The following PSMG2 variants were observed in gnomAD, a reference collection of about 807,000 sequenced individuals.
PSMG2 encodes the protein CD40 ligand-activated specific transcript 3.
PSMG2 carries 21 observed loss-of-function variants against 31.5 expected under a neutral mutation model. The observed-to-expected ratio is 0.67, with a 90% CI of 0.47 to 0.96. The LOEUF (loss-of-function observed/expected upper bound fraction) is 0.96. Ranked by LOEUF, PSMG2 falls within the 40% of genes least tolerant of loss-of-function variation. PSMG2 has a pLI of 0.00. For synonymous variants in PSMG2, 120 were observed against 110.4 expected (o/e 1.09, Z -0.54); for missense variants, 318 against 321.2 (o/e 0.99, Z 0.08).
At chr18:12,721,841 C>G (rs1212983712) in intron 5 of PSMG2, among the ~76,000 whole-genome samples, 3 of 149,014 alleles carry the variant, frequency 2.0e-5, no homozygotes, top group Non-Finnish European at 4.5e-5. Flanking sequence ...AAGTTTTTTT[C>G]TTTTTTACTG....
Position 12,703,173 on chromosome 18 carries a change from C to T in PSMG2, c.57+9C>T, listed in dbSNP as rs1377880217. 3 of 1,606,428 alleles carry T rather than the reference C, an allele frequency of 1.9e-6. No individual in the cohort carries two copies. The highest frequency in any genetic ancestry group is 1.1e-5 in the South Asian group (1 of 89,628). On this transcript the variant is annotated intron_variant, in intron 1 of 6. Coordinates refer to ENST00000317615, the MANE Select transcript of PSMG2 (RefSeq NM_020232.5). ...GCTTCACCCTCCTAATGGTGAGTCT[C>T]CATTTGCGCTCGGGGCTGCCGCCTC...
At chr18:12,723,352 A>G (rs1266625593) in intron 5 of PSMG2, among the ~76,000 whole-genome samples, 2 of 152,124 alleles carry the variant, frequency 1.3e-5, no homozygotes, top group African/African-American at 2.4e-5. Context: ...CGTTTATAGT[A>G]TGATAGGAGA....
chr18:12,695,229 AAAAG>A (rs764863571), intron 1 of PSMG2: 1 of 1,082,892 alleles, frequency 9.2e-7, no homozygotes, highest in Non-Finnish European at 1.3e-6. Flanking sequence ...AACACACAAA[AAAAG>A]AGAAACTCAT....
intron 1 of PSMG2, chr18:12,680,811 G>A (rs757850256): frequency 1.1e-5 from 17 of 1,610,234 alleles, no homozygotes; most frequent in Admixed American, 6.8e-5. Context: ...GAAGGTTAGC[G>A]TGATCTTCAC....
At chr18:12,660,387 T>C (rs889163341) in intron 1 of PSMG2, among the ~76,000 whole-genome samples, 3 of 151,754 alleles carry the variant, frequency 2.0e-5, no homozygotes, top group African/African-American at 7.3e-5. Context: ...AGTGCCGCGA[T>C]TTCAGCTCAC....
chr18:12,678,484 TAAA>T, intron 1 of PSMG2: 1 of 1,371,226 alleles, frequency 7.3e-7, no homozygotes, highest in South Asian at 1.4e-5. Context: ...ACTTAAAAAT[TAAA>T]AAGGCAGCAT....
intron 3 of PSMG2, among the ~76,000 whole-genome samples, chr18:12,714,691 C>T (rs1034873743): frequency 4.6e-5 from 7 of 151,176 alleles, no homozygotes; most frequent in African/African-American, 1.7e-4. Context: ...GGTGGGGTTT[C>T]GCCATGTTGC....
chr18:12,716,341 A>C (rs2040375641), intron 3 of PSMG2, among the ~76,000 whole-genome samples: 1 of 151,352 alleles, frequency 6.6e-6, no homozygotes, highest in Non-Finnish European at 1.5e-5. Context: ...AAGTTGAAAA[A>C]TTATTTAACG....
At chr18:12,714,073 G>T (rs966068431) in intron 3 of PSMG2, among the ~76,000 whole-genome samples, 2 of 152,126 alleles carry the variant, frequency 1.3e-5, no homozygotes, top group African/African-American at 4.8e-5. Context: ...TTAGTCATTG[G>T]TTTCTTTAAC....
At chr18:12,668,597 C>CAAAAAAAAAAAAAAAAAAAAAAAAA (rs752216074) in intron 1 of PSMG2, among the ~76,000 whole-genome samples, 4 of 72,836 alleles carry the variant, frequency 5.5e-5, no homozygotes, top group Non-Finnish European at 9.7e-5. Context: ...GATTCCATCT[C>CAAAAAAAAAAAAAAAAAAAAAAAAA]AAAAAAAAAA....
At chr18:12,683,876 A>G (rs2039442276) in intron 1 of PSMG2, among the ~76,000 whole-genome samples, 1 of 152,072 alleles carries the variant, frequency 6.6e-6, no homozygotes, top group South Asian at 2.1e-4. Flanking sequence ...AATAAATGAT[A>G]CATATACAGC....
At chr18:12,662,645 T>C (rs181883577) in intron 1 of PSMG2, among the ~76,000 whole-genome samples, 1 of 152,232 alleles carries the variant, frequency 6.6e-6, no homozygotes, top group African/African-American at 2.4e-5. Context: ...GGCATGGTGG[T>C]GCACACCTAT....
intron 1 of PSMG2, chr18:12,680,668 C>G (rs774250369): frequency 6.2e-7 from 1 of 1,606,322 alleles, no homozygotes; most frequent in Non-Finnish European, 8.5e-7. Context: ...TAACCTGTGT[C>G]CTGTTAAACT....
At chr18:12,682,191 G>T (rs185923872) in intron 1 of PSMG2, among the ~76,000 whole-genome samples, 2 of 151,858 alleles carry the variant, frequency 1.3e-5, no homozygotes, top group Non-Finnish European at 2.9e-5. Context: ...TTGAGATAGG[G>T]TCTAGTTCTG....
chr18:12,720,782 A>G (rs1285450465), intron 5 of PSMG2, 99 bp downstream of exon 5: 2 of 1,206,358 alleles, frequency 1.7e-6, no homozygotes, highest in Non-Finnish European at 2.3e-6. Context: ...CCTGGGTGAC[A>G]GAGCAAGACT....
intron 1 of PSMG2, among the ~76,000 whole-genome samples, chr18:12,705,528 T>C (rs2040256330): frequency 6.6e-6 from 1 of 150,822 alleles, no homozygotes; most frequent in Non-Finnish European, 1.5e-5. Flanking sequence ...AGCTTCATTA[T>C]TTTAAGTCAT....
chr18:12,692,801 T>C (rs982806859), intron 1 of PSMG2, among the ~76,000 whole-genome samples: 5 of 152,142 alleles, frequency 3.3e-5, no homozygotes, highest in Non-Finnish European at 5.9e-5. Flanking sequence ...TTGACATCTA[T>C]TTAGGATCCA....
upstream of PSMG2, chr18:12,702,310 G>C (rs527768360): frequency 1.8e-6 from 1 of 555,518 alleles, no homozygotes; most frequent in Admixed American, 3.8e-5. Flanking sequence ...TTCTTTCTCG[G>C]AGACGAGGAC....
chr18:12,724,412 G>GT, intron 5 of PSMG2, 87 bp from the exon 6 acceptor site: 2 of 1,323,104 alleles, frequency 1.5e-6, no homozygotes, highest in Non-Finnish European at 2.0e-6. Context: ...AAACCAGGTA[G>GT]GTTATCGTAG....
Sources: gnomAD v4.1 joint callset for allele counts (sites outside exome capture counted in the v4.1 genomes callset) on GRCh38, gnomAD v4.1.1 for gene constraint, MANE v1.5 for transcripts, NCBI Gene and HGNC (gene_info 2026-07-23, HGNC 2026-07-21) for gene names.